The following MAPK8IP2 variants were observed in gnomAD, a reference collection of about 807,000 sequenced individuals.
MAPK8IP2 encodes the protein C-Jun-amino-terminal kinase-interacting protein 2.
Under a neutral mutation model 75.6 loss-of-function variants are expected in MAPK8IP2, and 15 were observed. That is an observed-to-expected ratio of 0.20 (90% CI 0.13 to 0.31). MAPK8IP2 has a LOEUF of 0.31. Among genes scored for constraint, MAPK8IP2 ranks in the 10% least tolerant of loss-of-function variants. The pLI, the probability that MAPK8IP2 is intolerant of heterozygous loss-of-function variation, is 1.00. For missense variants in MAPK8IP2, 1,089 were observed against 1,211.2 expected (o/e 0.90, Z 1.50); for synonymous variants, 632 against 554.5 (o/e 1.14, Z -1.96).
At position 50,607,059 on chromosome 22, in the gene MAPK8IP2, G is replaced by A; in HGVS notation, c.2303+68G>A. The A allele has an allele frequency of 7.8e-7, 1 of 1,276,402 alleles. No homozygotes were observed. The highest frequency in any genetic ancestry group is 1.1e-6 in the Non-Finnish European group (1 of 875,414). 79.1% of individuals were successfully genotyped at this position (1,276,402 alleles called of 1,614,324 possible). A position where few individuals can be genotyped will look rare whatever the true frequency, so the allele number is the denominator to read the frequency against. On this transcript the variant is annotated intron_variant, in intron 10 of 11. Transcript: ENST00000329492. The surrounding 1 kb of genome is among the most constrained non-coding windows in gnomAD (Gnocchi z 5.6). ...AACCCTGAGAGTCCAACCGCCCCCT[G>A]AGTCCCCACAGACCCTGAGGGCTGC...
rs1387693397 is a variant in MAPK8IP2 at position 50,603,843 on chromosome 22, C to G, written c.544C>G (p.Leu182Val). ...GACCCCACCTCCCTGCCCAGCAGAG[C>G]TCCCGGGCCCCCTCCCTGCCACGGA... The part of the protein sequence containing the change: ...CSPAPEALRE[L>V]PGPLPATDTG... Residue 182 changes from leucine (L) to valine (V), a missense_variant and splice_region_variant, in exon 5 of 12, where the codon CTC (leucine) becomes GTC (valine). By Grantham distance (32) the Leu-to-Val change is conservative. Coordinates refer to ENST00000329492, the MANE Select transcript of MAPK8IP2 (RefSeq NM_012324.6). The G allele has an allele frequency of 6.6e-7, 1 of 1,526,560 alleles. No homozygotes were observed. Among genetic ancestry groups the G allele is most frequent in the South Asian group, 1.2e-5 (1 of 81,404 alleles). 94.6% of individuals were successfully genotyped at this position (1,526,560 alleles called of 1,614,324 possible). A position where few individuals can be genotyped will look rare whatever the true frequency, so the allele number is the denominator to read the frequency against.
chr22:50,601,236 C>G (rs1430270982), intron 1 of MAPK8IP2: 1 of 154,938 alleles, frequency 6.5e-6, no homozygotes, highest in Non-Finnish European at 1.4e-5. Context: ...CGGCGTGTCC[C>G]GGTGGCCTTG....
chr22:50,601,605 G>A lies in MAPK8IP2; in HGVS notation c.66-184G>A, dbSNP rs375287495. 60 of 579,478 alleles carry A rather than the reference G, an allele frequency of 1.0e-4. No individual in the cohort carries two copies. The South Asian group carries it at 1.2e-3, about 11-fold the overall frequency. The allele number at this position is 579,478 out of a possible 1,614,324, so 35.9% of individuals were successfully genotyped here. A position where few individuals can be genotyped will look rare whatever the true frequency, so the allele number is the denominator to read the frequency against. Reference sequence around the variant, plus strand: ...CTCCGGGCAGGCCTGGCTCAGATGGGGGAGGGGATCCACAGGCGAGCAGAG... The same window carrying A: ...CTCCGGGCAGGCCTGGCTCAGATGGAGGAGGGGATCCACAGGCGAGCAGAG... On this transcript the variant is annotated intron_variant, in intron 1 of 11. Coordinates refer to ENST00000329492, the MANE Select transcript of MAPK8IP2 (RefSeq NM_012324.6).
rs771447166 is a variant in MAPK8IP2, at chr22:50,605,667, G to A, written c.1947G>A (p.Thr649=). The A allele has an allele frequency of 9.3e-6, 15 of 1,612,284 alleles. No homozygotes were observed. Among genetic ancestry groups the A allele is most frequent in the Middle Eastern group, 1.6e-4 (1 of 6,082 alleles). Residue 649 remains threonine (T), a synonymous_variant, in exon 7 of 12, where the codon ACG becomes ACA. Transcript: ENST00000329492. ...DFWFRGFNMR[T]GERGVFPAFY... ...GGTTCCGTGGCTTCAACATGCGCACGGGGGAGCGCGGTGTGTTTCCTGCCT... is the reference window on the plus strand; with the variant it reads ...GGTTCCGTGGCTTCAACATGCGCACAGGGGAGCGCGGTGTGTTTCCTGCCT...
Position 50,606,687 on chromosome 22 carries a change from C to T in MAPK8IP2, c.2154C>T (p.His718=), listed in dbSNP as rs1249465085. ...CCACTGCCCGGAAACTGACCGTCCA[C>T]CTGCGCCCTCCTGCCTCCTGTGACC... is the stretch of plus-strand genomic sequence containing the variant. ...KIATARKLTV[H]LRPPASCDLE... The change falls in exon 9 of 12, where the codon CAC becomes CAT. Residue 718 remains histidine, a synonymous_variant. Transcript: ENST00000329492. 1 of 1,597,646 alleles carries T rather than the reference C, an allele frequency of 6.3e-7. No homozygotes were observed. The highest frequency in any genetic ancestry group is 8.5e-7 in the Non-Finnish European group (1 of 1,172,390).
chr22:50,613,129 C>G lies in MAPK8IP2; in HGVS notation c.*2350C>G, dbSNP rs1046554936. On this transcript the variant is annotated 3_prime_UTR_variant, in exon 12 of 12. Transcript: ENST00000329492. The stretch of plus-strand genomic sequence containing the variant: ...CCCTCCCACAGTTTCGAGGGTTTCC[C>G]TGTGCTCAGGCCCCTGGCAGCCGCC... The G allele has an allele frequency of 1.0e-4, 16 of 152,742 alleles. No individual in the cohort carries two copies. The allele number at this position is 152,742 out of a possible 1,614,324, so 9.5% of individuals were successfully genotyped here.
At chr22:50,606,289 T>C (rs2071047348) in intron 8 of MAPK8IP2, among the ~76,000 whole-genome samples, 1 of 128,244 alleles carries the variant, frequency 7.8e-6, no homozygotes, top group Non-Finnish European at 1.8e-5. Flanking sequence ...ACTCACTCAG[T>C]GGACGTTTAG....
rs1288876205 is a variant in MAPK8IP2 at position 50,603,336 on chromosome 22, G to A, written c.285G>A (p.Glu95=). 4 of 1,557,582 alleles carry A rather than the reference G, an allele frequency of 2.6e-6. No individual in the cohort carries two copies. The highest frequency in any genetic ancestry group is 3.8e-5 in the Admixed American group (2 of 51,998). Reference sequence around the variant, plus strand: ...ATGAAGAGGAGGACGATGAGGACGAGGAAGAGGAGGAGGAGGAGGAGGAGG... The same window carrying A: ...ATGAAGAGGAGGACGATGAGGACGAAGAAGAGGAGGAGGAGGAGGAGGAGG... The part of the protein sequence containing the change: ...DDNEEEDDED[E]EEEEEEEEGD... Residue 95 remains glutamate (E), a synonymous_variant, in exon 3 of 12, where the codon GAG becomes GAA. Coordinates refer to ENST00000329492, the MANE Select transcript of MAPK8IP2 (RefSeq NM_012324.6).
intron 8 of MAPK8IP2, among the ~76,000 whole-genome samples, chr22:50,606,274 C>T (rs2071047167): frequency 7.8e-6 from 1 of 128,042 alleles, no homozygotes; most frequent in Admixed American, 8.0e-5. Flanking sequence ...GCCCTCTACT[C>T]ATCCACTCAC....
Position 50,612,828 on chromosome 22 carries a change from G to T in MAPK8IP2, c.*2049G>T. Reference sequence around the variant, plus strand: ...CCTCCCTCTGCTCTTCCACTCAGGTGAGAATTCTCCAAGCCCTGCCCTCCG... The same window carrying T: ...CCTCCCTCTGCTCTTCCACTCAGGTTAGAATTCTCCAAGCCCTGCCCTCCG... On this transcript the variant is annotated 3_prime_UTR_variant, in exon 12 of 12. Coordinates refer to ENST00000329492, the MANE Select transcript of MAPK8IP2 (RefSeq NM_012324.6). 1 of 46,546 alleles carries T rather than the reference G, an allele frequency of 2.1e-5. No homozygotes were observed. Among genetic ancestry groups the T allele is most frequent in the South Asian group, 5.1e-4 (1 of 1,952 alleles). The allele number at this position is 46,546 out of a possible 1,614,324, so 2.9% of individuals were successfully genotyped here. A position where few individuals can be genotyped will look rare whatever the true frequency, so the allele number is the denominator to read the frequency against.
intron 10 of MAPK8IP2, among the ~76,000 whole-genome samples, chr22:50,608,928 G>A (rs912120693): frequency 5.9e-5 from 9 of 152,196 alleles, no homozygotes; most frequent in African/African-American, 2.2e-4. Context: ...AGGAAACTGG[G>A]TGAAGCTCAG....
At position 50,600,869 on chromosome 22, in the gene MAPK8IP2, G is replaced by A; in HGVS notation, c.51G>A (p.Ser17=). ...MFSLSTFHSL[S]PPGCRPPQDI... is the part of the protein sequence containing the mutation. ...CTCTCTCCACCTTCCACTCGCTGTC[G>A]CCGCCGGGCTGCAGGTACCCCCCTC... The change falls in exon 1 of 12, where the codon TCG becomes TCA. Residue 17 remains serine (S), a synonymous_variant. Transcript: ENST00000329492. The A allele has an allele frequency of 1.6e-6, 2 of 1,285,968 alleles. No homozygotes were observed. Among genetic ancestry groups the A allele is most frequent in the Non-Finnish European group, 2.0e-6 (2 of 988,952 alleles). 79.7% of individuals were successfully genotyped at this position (1,285,968 alleles called of 1,614,324 possible).
In MAPK8IP2 at chr22:50,605,557, G is replaced by A. The variant is rs747697145; in HGVS notation, c.1842-5G>A. 1.3e-6 allele frequency: 2 copies of A among 1,582,310 alleles called. No homozygotes were observed. Among genetic ancestry groups the A allele is most frequent in the South Asian group, 1.1e-5 (1 of 87,632 alleles). On this transcript the variant is annotated splice_polypyrimidine_tract_variant and splice_region_variant and intron_variant, in intron 6 of 11. Transcript: ENST00000329492. ...CCTCCCCAGTGACCTCTCCCCCAAC[G>A]GCAGGTTCATCCCGCGGCATCCAGA...
In MAPK8IP2 at chr22:50,606,982, G is replaced by T. The variant is rs368151558; in HGVS notation, c.2294G>T (p.Arg765Leu). The part of the protein sequence containing the change: ...KNISFCGCHP[R>L]NSCYFGFITK... ...ATCTCCTTCTGCGGCTGCCATCCCC[G>T]CAACAGCTGGTGAGAGTCTGACCGT... The change falls in exon 10 of 12, where the codon CGC becomes CTC. Residue 765 changes from arginine to leucine, a missense_variant. By Grantham distance (102) the Arg-to-Leu change is moderately radical (BLOSUM62 -2). This residue lies in a region of MAPK8IP2 where 129 missense variants were observed against 201.7 expected (regional missense o/e 0.64). Transcript: ENST00000329492. 2.6e-4 allele frequency: 424 copies of T among 1,613,298 alleles called. No homozygotes were observed. Among genetic ancestry groups the T allele is most frequent in the Non-Finnish European group, 3.4e-4 (402 of 1,179,620 alleles).
chr22:50,603,402 GGCACCT>G lies in MAPK8IP2; in HGVS notation c.354_359del (p.Ala120_Pro121del), dbSNP rs1352440469. The G allele has an allele frequency of 1.3e-6, 2 of 1,558,890 alleles. No homozygotes were observed. Among genetic ancestry groups the G allele is most frequent in the South Asian group, 1.2e-5 (1 of 85,108 alleles). Reference sequence around the variant, plus strand: ...AGGAGGGAGGAGACCCTGGCTCAGAGGCACCTGCCCCCGGGCCCCTTATCCCCTCCC... The same window carrying G: ...AGGAGGGAGGAGACCCTGGCTCAGAGGCCCCCGGGCCCCTTATCCCCTCCC... On this transcript the variant is annotated inframe_deletion, in exon 3 of 12. Transcript: ENST00000329492.
intron 9 of MAPK8IP2, 55 bp from the exon 10 acceptor site, chr22:50,606,866 A>T (rs1603444364): frequency 6.3e-7 from 1 of 1,592,122 alleles, no homozygotes; most frequent in East Asian, 2.2e-5. Context: ...GGTGGGAGGC[A>T]GGGGTGGCGC....
In MAPK8IP2 at chr22:50,605,448, G is replaced by A. The variant is rs184856458; in HGVS notation, c.1841+5G>A. ...GACTCACCGGGCTGTGTTCAGGTACGGCCTCCCTCCTTGCTGGCGGTGGCC... is the reference window on the plus strand; with the variant it reads ...GACTCACCGGGCTGTGTTCAGGTACAGCCTCCCTCCTTGCTGGCGGTGGCC... On this transcript the variant is annotated splice_donor_5th_base_variant and intron_variant, in intron 6 of 11. Coordinates refer to ENST00000329492, the MANE Select transcript of MAPK8IP2 (RefSeq NM_012324.6). 87 of 1,613,446 alleles carry A rather than the reference G, an allele frequency of 5.4e-5. 1 individual carries two copies. The African/African-American group carries it at 8.8e-4, about 16-fold the overall frequency.
chr22:50,610,811 C>G lies in MAPK8IP2; in HGVS notation c.*32C>G, dbSNP rs1385979987. 9 of 1,558,508 alleles carry G rather than the reference C, an allele frequency of 5.8e-6. No homozygotes were observed. The highest frequency in any genetic ancestry group is 7.8e-6 in the Non-Finnish European group (9 of 1,147,828). On this transcript the variant is annotated 3_prime_UTR_variant, in exon 12 of 12. Transcript: ENST00000329492. This position sits in a 1 kb window ranked among gnomAD's most constrained non-coding sequence, Gnocchi z 4.3. Reference sequence around the variant, plus strand: ...CACCGCTCTGTCTCCTGGCCGTCTGCTCCAGGCGCAGCTGGGGCTGAGGAT... The same window carrying G: ...CACCGCTCTGTCTCCTGGCCGTCTGGTCCAGGCGCAGCTGGGGCTGAGGAT...
At chr22:50,603,034 A>G (rs2070962406) in intron 2 of MAPK8IP2, 189 bp from the exon 3 acceptor site, 6 of 1,283,510 alleles carry the variant, frequency 4.7e-6, no homozygotes, top group Non-Finnish European at 6.3e-6. Flanking sequence ...GGCCCTTCCC[A>G]AGAACTGGAG....
Sources: allele counts gnomAD v4.1 joint callset (sites outside exome capture counted in the v4.1 genomes callset), GRCh38; gene constraint gnomAD v4.1.1; regional missense constraint gnomAD v4.1.1; non-coding constraint Gnocchi (gnomAD v3.1); transcripts MANE v1.5; gene names NCBI Gene and HGNC (gene_info 2026-07-23, HGNC 2026-07-21).